CUX1: variants seen among roughly 807,000 people sequenced by gnomAD.
CUX1 encodes protein CASP.
In CUX1, 31 loss-of-function variants were observed where a neutral mutation model predicts 158.8. The ratio of observed to expected loss-of-function variants is 0.20; its 90% CI spans 0.15 to 0.26. The LOEUF is 0.26. Among genes scored for constraint, CUX1 ranks in the 10% least tolerant of loss-of-function variants. CUX1 has a pLI of 1.00. For missense variants in CUX1, 1,589 were observed against 2,014.6 expected (o/e 0.79, Z 4.04); for synonymous variants, 879 against 862.1 (o/e 1.02, Z -0.34).
intron 2 of CUX1, among the ~76,000 whole-genome samples, chr7:101,987,407 G>A (rs2129232297): frequency 6.6e-6 from 1 of 152,304 alleles, no homozygotes; most frequent in East Asian, 1.9e-4. Context: ...GCTTCTCATA[G>A]GTTCAAGCGG....
chr7:102,256,622 A>G lies in CUX1; in HGVS notation c.*7580A>G. Reference sequence around the variant, plus strand: ...AATGAGAGTGTTTATGAACAAAAAAATTTACCAACGTGTGAGGGAGTTGCT... The same window carrying G: ...AATGAGAGTGTTTATGAACAAAAAAGTTTACCAACGTGTGAGGGAGTTGCT... On this transcript the variant is annotated 3_prime_UTR_variant, in exon 24 of 24. Coordinates refer to ENST00000292535, the MANE Select transcript of CUX1 (RefSeq NM_181552.4). 1.0e-6 allele frequency: 1 copy of G among 985,432 alleles called. No individual in the cohort carries two copies. Among genetic ancestry groups the G allele is most frequent in the Middle Eastern group, 5.2e-4 (1 of 1,914 alleles). 61.0% of individuals were successfully genotyped at this position (985,432 alleles called of 1,614,324 possible). A position where few individuals can be genotyped will look rare whatever the true frequency, so the allele number is the denominator to read the frequency against.
intron 22 of CUX1, among the ~76,000 whole-genome samples, chr7:102,235,441 C>T (rs1799454825): frequency 6.6e-6 from 1 of 152,158 alleles, no homozygotes; most frequent in Non-Finnish European, 1.5e-5. Context: ...TGGCTCATGT[C>T]TGTAATCCCA....
At chr7:101,856,182 C>CAAAAAAAA (rs768518044) in intron 1 of CUX1, among the ~76,000 whole-genome samples, 2 of 48,040 alleles carry the variant, frequency 4.2e-5, no homozygotes, top group South Asian at 7.7e-4. Flanking sequence ...GACCCTGTCT[C>CAAAAAAAA]AAAAAAAAAA....
At chr7:102,166,932 G>A (rs1300394957) in intron 9 of CUX1, among the ~76,000 whole-genome samples, 3 of 152,134 alleles carry the variant, frequency 2.0e-5, no homozygotes, top group Non-Finnish European at 4.4e-5. Context: ...GAGACTGTCC[G>A]TGAACTTGGA....
rs1801612608 is a variant in CUX1, at chr7:102,252,392, C to CT, written c.*3352dup. On this transcript the variant is annotated 3_prime_UTR_variant, in exon 24 of 24. Transcript: ENST00000292535. Reference sequence around the variant, plus strand: ...GTGGCCCCCGCAGGCAGCCGACCCCCTTCCTCTTCACGCTCTATGAGTTTA... The same window carrying CT: ...GTGGCCCCCGCAGGCAGCCGACCCCCTTTCCTCTTCACGCTCTATGAGTTTA... The CT allele has an allele frequency of 2.0e-6, 2 of 985,418 alleles. No homozygotes were observed. The highest frequency in any genetic ancestry group is 1.7e-5 in the African/African-American group (1 of 57,248). 61.0% of individuals were successfully genotyped at this position (985,418 alleles called of 1,614,324 possible).
intron 12 of CUX1, among the ~76,000 whole-genome samples, chr7:102,192,626 C>T (rs1303855015): frequency 6.6e-6 from 1 of 152,076 alleles, no homozygotes; most frequent in Non-Finnish European, 1.5e-5. Context: ...CCAGCTTGGC[C>T]AAAACCGTCT....
intron 1 of CUX1, chr7:101,824,474 T>A (rs1166902091): frequency 6.6e-6 from 1 of 152,198 alleles, no homozygotes; most frequent in Non-Finnish European, 1.5e-5. Flanking sequence ...CTCCTGTTTC[T>A]AGGGAAGAAA....
chr7:102,239,456 G>T lies in CUX1; in HGVS notation c.3759G>T (p.Pro1253=), dbSNP rs782167032. The part of the protein sequence containing the change: ...QLKKPRVVLA[P]EEKEALKRAY... ...AGAAACCCCGGGTGGTGCTGGCTCC[G>T]GAGGAGAAGGAGGCGCTGAAACGAG... Residue 1253 remains proline (P), a synonymous_variant, in exon 23 of 24, where the codon CCG becomes CCT. Transcript: ENST00000292535. The T allele has an allele frequency of 2.5e-6, 4 of 1,614,052 alleles. No homozygotes were observed. The South Asian group carries it at 4.4e-5, about 18-fold the overall frequency.
At chr7:101,887,953 G>A (rs190296438) in intron 1 of CUX1, among the ~76,000 whole-genome samples, 4 of 151,222 alleles carry the variant, frequency 2.6e-5, no homozygotes, top group South Asian at 2.1e-4. Context: ...CCAGGAGAAC[G>A]CATTCAATGT....
rs184953719 is a variant in CUX1, at chr7:101,989,279, A to G, written c.142-38819A>G. Among the ~76,000 whole-genome samples, 172 of 152,254 alleles carry G rather than the reference A, an allele frequency of 1.1e-3. 1 individual carries two copies. The highest frequency in any genetic ancestry group is 1.2e-3 in the Non-Finnish European group (79 of 68,008). On this transcript the variant is annotated intron_variant, in intron 2 of 23. Transcript: ENST00000292535. ...TGGTATCTGGTTCCACGTGTCCCCA[A>G]TGGCACCTCGCCTGGAACGATGTCT...
At chr7:102,168,931 T>TC (rs1433583899) in intron 9 of CUX1, among the ~76,000 whole-genome samples, 1 of 105,642 alleles carries the variant, frequency 9.5e-6, no homozygotes, top group South Asian at 2.5e-4. Flanking sequence ...TTCTTTTCTT[T>TC]TATTTTCTTT....
chr7:102,015,742 G>A lies in CUX1; in HGVS notation c.142-12356G>A, dbSNP rs531579241. 1.8e-4 allele frequency among the ~76,000 whole-genome samples: 27 copies of A among 152,210 alleles called. No homozygotes were observed. In the South Asian group the frequency reaches 5.2e-3, roughly 29 times the overall value. ...TTCACTCATCCACCCGCTATGCATC[G>A]TCCAGATCTGAGTTCACGTGCTCCT... is the stretch of plus-strand genomic sequence containing the variant. On this transcript the variant is annotated intron_variant, in intron 2 of 23. Coordinates refer to ENST00000292535, the MANE Select transcript of CUX1 (RefSeq NM_181552.4).
At chr7:101,866,710 A>G (rs1797956884) in intron 1 of CUX1, among the ~76,000 whole-genome samples, 1 of 152,218 alleles carries the variant, frequency 6.6e-6, no homozygotes, top group African/African-American at 2.4e-5. Flanking sequence ...GACAATGAAC[A>G]GCTCGTTAAA....
chr7:101,821,697 T>TTTTTTTTTTTTTTTTG (rs1792605787), intron 1 of CUX1, among the ~76,000 whole-genome samples: 1 of 116,840 alleles, frequency 8.6e-6, no homozygotes, highest in African/African-American at 3.2e-5. Flanking sequence ...TTTTTTTTTT[T>TTTTTTTTTTTTTTTTG]GAGACGTGGT....
chr7:102,052,896 C>T (rs1823683942), intron 3 of CUX1, among the ~76,000 whole-genome samples: 1 of 151,346 alleles, frequency 6.6e-6, no homozygotes, highest in South Asian at 2.1e-4. Context: ...CAACCTCTGC[C>T]TCGCAGGTTC....
rs182899464 is a variant in CUX1, at chr7:101,931,771, G to A, written c.141+15546G>A. On this transcript the variant is annotated intron_variant, in intron 2 of 23. Coordinates refer to ENST00000292535, the MANE Select transcript of CUX1 (RefSeq NM_181552.4). ...TAGGGAGGGGTTCTCACTATGTTAC[G>A]CACGCTGGTCTCAAACTCCTGGGCT... Among the ~76,000 whole-genome samples the A allele has an allele frequency of 4.6e-5, 7 of 152,176 alleles. No individual in the cohort carries two copies. In the East Asian group the frequency reaches 9.6e-4, roughly 21 times the overall value.
rs1239519322 is a variant in CUX1 at position 102,168,918 on chromosome 7, C to CTT, written c.724-1525_724-1524dup. 1.6e-3 allele frequency among the ~76,000 whole-genome samples: 135 copies of CTT among 84,080 alleles called. 13 individuals carry two copies. The highest frequency in any genetic ancestry group is 2.0e-3 in the Non-Finnish European group (90 of 44,298). The allele number at this position is 84,080 out of a possible 152,430, so 55.2% of individuals were successfully genotyped here. A position where few individuals can be genotyped will look rare whatever the true frequency, so the allele number is the denominator to read the frequency against. On this transcript the variant is annotated intron_variant, in intron 9 of 23. Transcript: ENST00000292535. Reference sequence around the variant, plus strand: ...CTTTTCTTTTCTTTTCTTTTATTTTCTTTTCTTTTCTTTTATTTTCTTTTT... The same window carrying CTT: ...CTTTTCTTTTCTTTTCTTTTATTTTCTTTTTTCTTTTCTTTTATTTTCTTTTT...
At chr7:102,002,004 A>G (rs1427725443) in intron 2 of CUX1, among the ~76,000 whole-genome samples, 1 of 152,238 alleles carries the variant, frequency 6.6e-6, no homozygotes, top group Non-Finnish European at 1.5e-5. Flanking sequence ...ATGTAAAACA[A>G]GACAGTAAGC....
At chr7:102,280,198 C>A in intron 19 of CUX1, 1 of 972,074 alleles carries the variant, frequency 1.0e-6, no homozygotes, top group Non-Finnish European at 1.6e-6. Flanking sequence ...ATCACTTGGC[C>A]CCTATCCCTG....
Sources: allele counts gnomAD v4.1 joint callset (sites outside exome capture counted in the v4.1 genomes callset), GRCh38; gene constraint gnomAD v4.1.1; transcripts MANE v1.5; gene names NCBI Gene and HGNC (gene_info 2026-07-23, HGNC 2026-07-21).